PNPT1: variants seen among roughly 807,000 people sequenced by gnomAD.
PNPT1 encodes the protein polyribonucleotide nucleotidyltransferase 1.
Under a neutral mutation model 119.5 loss-of-function variants are expected in PNPT1, and 53 were observed. The ratio of observed to expected loss-of-function variants is 0.44; its 90% confidence interval spans 0.36 to 0.56. PNPT1 has a LOEUF of 0.56. PNPT1 is among the 20% of genes least tolerant of loss of function. The pLI is 0.00. For synonymous variants in PNPT1, 357 were observed against 322.1 expected (o/e 1.11, Z -1.16); for missense variants, 948 against 938.5 (o/e 1.01, Z -0.13).
chr2:55,644,732 TACAG>T lies in PNPT1; in HGVS notation c.1823-16_1823-13del, dbSNP rs1559087779. 6.3e-7 allele frequency: 1 copy of T among 1,578,022 alleles called. No individual in the cohort carries two copies. Among genetic ancestry groups the T allele is most frequent in the Admixed American group, 1.7e-5 (1 of 59,630 alleles). The stretch of plus-strand genomic sequence containing the variant: ...AACCTGAACAGTTTCTGGAACGTAA[TACAG>T]ACAAATATATAAACAATTCAACTAC... On this transcript the variant is annotated splice_polypyrimidine_tract_variant and intron_variant, in intron 22 of 27. Coordinates refer to ENST00000447944, the MANE Select transcript of PNPT1 (RefSeq NM_033109.5).
intron 11 of PNPT1, among the ~76,000 whole-genome samples, chr2:55,669,670 T>A (rs886561411): frequency 2.6e-5 from 4 of 152,182 alleles, no homozygotes; most frequent in Non-Finnish European, 5.9e-5. Flanking sequence ...TAAAATTTCT[T>A]TCTTACCAAA....
intron 4 of PNPT1, 124 bp downstream of exon 4, chr2:55,684,819 A>C (rs1697350907): frequency 8.2e-7 from 1 of 1,212,550 alleles, no homozygotes; most frequent in African/African-American, 1.5e-5. Context: ...AGGAGTGAAT[A>C]ATCTTAGGTG....
At chr2:55,666,232 G>A (rs558902044) in intron 13 of PNPT1, among the ~76,000 whole-genome samples, 6 of 152,166 alleles carry the variant, frequency 3.9e-5, no homozygotes, top group Non-Finnish European at 5.9e-5. Flanking sequence ...AACTCTTGGA[G>A]GTAACTGATA....
At chr2:55,651,885 C>CAAAAAAAAAAAAAAAAAAAAA in intron 18 of PNPT1, among the ~76,000 whole-genome samples, 11 of 119,772 alleles carry the variant, frequency 9.2e-5, no homozygotes, top group Non-Finnish European at 1.7e-4. Context: ...AAAGGAAAGT[C>CAAAAAAAAAAAAAAAAAAAAA]AAAAAAAAAA....
intron 8 of PNPT1, among the ~76,000 whole-genome samples, chr2:55,675,309 C>A (rs886243985): frequency 6.6e-6 from 1 of 151,520 alleles, no homozygotes; most frequent in African/African-American, 2.4e-5. Context: ...AAAAATATGG[C>A]TGGGCATGGG....
intron 13 of PNPT1, among the ~76,000 whole-genome samples, chr2:55,663,549 A>C (rs1267054253): frequency 1.3e-5 from 2 of 152,220 alleles, no homozygotes; most frequent in Non-Finnish European, 2.9e-5. Context: ...AACTCAAAGG[A>C]AACCACACCT....
At chr2:55,646,373 T>A in intron 20 of PNPT1, 42 bp downstream of exon 20, 1 of 1,603,734 alleles carries the variant, frequency 6.2e-7, no homozygotes, top group East Asian at 2.2e-5. Context: ...ATGGCATTAT[T>A]TAAATGTTAC....
At chr2:55,681,881 C>T (rs1164980342) in intron 5 of PNPT1, among the ~76,000 whole-genome samples, 1 of 149,692 alleles carries the variant, frequency 6.7e-6, no homozygotes, top group Admixed American at 6.7e-5. Flanking sequence ...GTGGCTCACG[C>T]CTGTAATCCC....
At chr2:55,639,117 A>G (rs1477535860) in intron 26 of PNPT1, among the ~76,000 whole-genome samples, 1 of 152,146 alleles carries the variant, frequency 6.6e-6, no homozygotes, top group Admixed American at 6.6e-5. Context: ...AATTACCGTT[A>G]AGTTTCAAAC....
At chr2:55,646,199 C>T in intron 21 of PNPT1, 60 bp downstream of exon 21, 2 of 1,454,234 alleles carry the variant, frequency 1.4e-6, no homozygotes, top group Non-Finnish European at 1.9e-6. Context: ...CTAATGAGAA[C>T]TATAGTTCCC....
intron 11 of PNPT1, among the ~76,000 whole-genome samples, chr2:55,668,880 G>A (rs1237789458): frequency 1.3e-5 from 2 of 152,316 alleles, no homozygotes; most frequent in Non-Finnish European, 2.9e-5. Flanking sequence ...GATTACAGGC[G>A]TGAGCCACTG....
chr2:55,663,570 A>C (rs1398461058), intron 13 of PNPT1, among the ~76,000 whole-genome samples: 1 of 152,224 alleles, frequency 6.6e-6, no homozygotes, highest in Non-Finnish European at 1.5e-5. Flanking sequence ...TTCAATCATA[A>C]TGCTGAAAAC....
intron 11 of PNPT1, among the ~76,000 whole-genome samples, chr2:55,669,920 G>A (rs917988483): frequency 2.0e-5 from 3 of 151,726 alleles, no homozygotes; most frequent in East Asian, 1.9e-4. Flanking sequence ...CACCATGCCC[G>A]CCTAATTTTT....
At chr2:55,683,668 A>G in intron 5 of PNPT1, 117 bp downstream of exon 5, 1 of 916,372 alleles carries the variant, frequency 1.1e-6, no homozygotes, top group Non-Finnish European at 1.6e-6. Context: ...GTAAAATATA[A>G]CAGTATCATA....
At chr2:55,673,561 G>C (rs1385765786) in intron 8 of PNPT1, among the ~76,000 whole-genome samples, 1 of 151,296 alleles carries the variant, frequency 6.6e-6, no homozygotes, top group Non-Finnish European at 1.5e-5. Flanking sequence ...CCATTGTCCT[G>C]CCTCAGCCTC....
intron 5 of PNPT1, among the ~76,000 whole-genome samples, chr2:55,683,389 C>T (rs545567158): frequency 3.3e-5 from 5 of 151,970 alleles, no homozygotes; most frequent in East Asian, 1.9e-4. Context: ...CCGAGGGGGG[C>T]GGATCACAAG....
At chr2:55,661,683 G>C (rs1696581378) in intron 14 of PNPT1, among the ~76,000 whole-genome samples, 1 of 152,128 alleles carries the variant, frequency 6.6e-6, no homozygotes, top group African/African-American at 2.4e-5. Flanking sequence ...AAGGAAGCCT[G>C]TCCTAAGAAA....
At chr2:55,686,125 A>G (rs1286771859) in intron 3 of PNPT1, among the ~76,000 whole-genome samples, 1 of 150,600 alleles carries the variant, frequency 6.6e-6, no homozygotes, top group East Asian at 1.9e-4. Context: ...CAAAGTACTC[A>G]TGCACTTCCA....
chr2:55,666,972 A>G lies in PNPT1; in HGVS notation c.1176+19T>C, dbSNP rs776584585. The G allele has an allele frequency of 6.7e-7, 1 of 1,484,186 alleles. No homozygotes were observed. Among genetic ancestry groups the G allele is most frequent in the South Asian group, 1.3e-5 (1 of 78,298 alleles). The allele number at this position is 1,484,186 out of a possible 1,614,324, so 91.9% of individuals were successfully genotyped here. A position where few individuals can be genotyped will look rare whatever the true frequency, so the allele number is the denominator to read the frequency against. On this transcript the variant is annotated intron_variant, in intron 13 of 27. Coordinates refer to ENST00000447944, the MANE Select transcript of PNPT1 (RefSeq NM_033109.5). The stretch of plus-strand genomic sequence containing the variant: ...CAATCTTAATTTAGCAAATAATTAG[A>G]GCTTTTTATATAAATTACCTGTGTT...
Sources: allele counts gnomAD v4.1 joint callset (sites outside exome capture counted in the v4.1 genomes callset), GRCh38; gene constraint gnomAD v4.1.1; transcripts MANE v1.5; gene names NCBI Gene and HGNC (gene_info 2026-07-23, HGNC 2026-07-21).